ZNF260: variants seen among roughly 807,000 people sequenced by gnomAD.
ZNF260 encodes zinc finger protein 260.
ZNF260 carries 21 observed loss-of-function variants against 29.3 expected under a neutral mutation model. The ratio of observed to expected loss-of-function variants is 0.72; its 90% confidence interval spans 0.51 to 1.03. ZNF260 has a LOEUF of 1.03. Among genes scored for constraint, ZNF260 ranks in the 50% least tolerant of loss-of-function variants. The pLI is 0.00. For synonymous variants in ZNF260, 156 were observed against 156.8 expected, an observed-to-expected ratio of 0.99 and a Z score of 0.04; for missense variants, 465 against 487.8, an observed-to-expected ratio of 0.95 and a Z score of 0.44.
rs1304776679 is a variant in ZNF260 at position 36,525,175 on chromosome 19, C to G, written c.-482G>C. ...CCTACCAGGTTCTTGCTTACTCACA[C>G]AAAGAGAACCTTCTTTACATTTCTT... is the stretch of plus-strand genomic sequence containing the variant. On this transcript the variant is annotated 5_prime_UTR_variant, in exon 2 of 3. Transcript: ENST00000523638. 1 of 152,220 alleles carries G rather than the reference C, an allele frequency of 6.6e-6. No homozygotes were observed. The highest frequency in any genetic ancestry group is 1.5e-5 in the Non-Finnish European group (1 of 68,054). The allele number at this position is 152,220 out of a possible 1,614,324, so 9.4% of individuals were successfully genotyped here. A position where few individuals can be genotyped will look rare whatever the true frequency, so the allele number is the denominator to read the frequency against.
At chr19:36,528,062 A>G (rs1252027000) in intron 1 of ZNF260, among the ~76,000 whole-genome samples, 157 bp downstream of exon 1, 1 of 147,730 alleles carries the variant, frequency 6.8e-6, no homozygotes, top group Non-Finnish European at 1.5e-5. Context: ...CCCTGCCCCC[A>G]GCCACACAAG....
In ZNF260 at chr19:36,513,902, C is replaced by T; in HGVS notation, c.*98G>A. The T allele has an allele frequency of 2.2e-6, 3 of 1,338,112 alleles. No homozygotes were observed. Among genetic ancestry groups the T allele is most frequent in the South Asian group, 1.4e-5 (1 of 70,456 alleles). The allele number at this position is 1,338,112 out of a possible 1,614,324, so 82.9% of individuals were successfully genotyped here. On this transcript the variant is annotated 3_prime_UTR_variant, in exon 3 of 3. Transcript: ENST00000523638. Reference sequence around the variant, plus strand: ...TGAATTGCTGCTGAAGGACTTCCCACATTCATGTCACTTTAATGTAAAATG... The same window carrying T: ...TGAATTGCTGCTGAAGGACTTCCCATATTCATGTCACTTTAATGTAAAATG...
In ZNF260 at chr19:36,515,315, A is replaced by G; in HGVS notation, c.-77T>C. 1 of 1,362,676 alleles carries G rather than the reference A, an allele frequency of 7.3e-7. No individual in the cohort carries two copies. The highest frequency in any genetic ancestry group is 9.8e-7 in the Non-Finnish European group (1 of 1,025,300). The allele number at this position is 1,362,676 out of a possible 1,614,324, so 84.4% of individuals were successfully genotyped here. ...GGATGAAAGCTTTCCCACATTCACT[A>G]AATTCATATGGTGTATTTTCAATAT... On this transcript the variant is annotated 5_prime_UTR_variant, in exon 3 of 3. Coordinates refer to ENST00000523638, the MANE Select transcript of ZNF260 (RefSeq NM_001166037.2).
In ZNF260 at chr19:36,511,009, CAGA is replaced by C. The variant is rs1000499667; in HGVS notation, c.*2988_*2990del. 5 of 152,086 alleles carry C rather than the reference CAGA, an allele frequency of 3.3e-5. No individual in the cohort carries two copies. Among genetic ancestry groups the C allele is most frequent in the African/African-American group, 4.8e-5 (2 of 41,422 alleles). 9.4% of individuals were successfully genotyped at this position (152,086 alleles called of 1,614,324 possible). On this transcript the variant is annotated 3_prime_UTR_variant, in exon 3 of 3. Transcript: ENST00000523638. Reference sequence around the variant, plus strand: ...TATTTAAGTAAAGCAAAATGAGGAACAGAAGAAGACAGTTTAGATTCATGTACA... The same window carrying C: ...TATTTAAGTAAAGCAAAATGAGGAACAGAAGACAGTTTAGATTCATGTACA...
At chr19:36,516,120 C>G (rs1414294946) in intron 2 of ZNF260, among the ~76,000 whole-genome samples, 2 of 152,168 alleles carry the variant, frequency 1.3e-5, no homozygotes, top group East Asian at 3.8e-4. Flanking sequence ...GATCCGCCCA[C>G]CTCAGCCTCC....
rs1203108357 is a variant in ZNF260, at chr19:36,511,382, T to G, written c.*2618A>C. On this transcript the variant is annotated 3_prime_UTR_variant, in exon 3 of 3. Transcript: ENST00000523638. ...AAAATACAAAATTAGCCAGGCGTGG[T>G]GGCTCACACCTGTAATCCTAGCACT... is the stretch of plus-strand genomic sequence containing the variant. 1.3e-5 allele frequency: 2 copies of G among 152,154 alleles called. No homozygotes were observed. The highest frequency in any genetic ancestry group is 2.9e-5 in the Non-Finnish European group (2 of 68,090). The allele number at this position is 152,154 out of a possible 1,614,324, so 9.4% of individuals were successfully genotyped here.
chr19:36,526,298 T>C (rs954437919), intron 1 of ZNF260, among the ~76,000 whole-genome samples: 7 of 152,000 alleles, frequency 4.6e-5, no homozygotes, highest in African/African-American at 1.7e-4. Context: ...CCCAGCACTT[T>C]GGGAGGCTGA....
At chr19:36,519,357 G>A (rs963578425) in intron 2 of ZNF260, among the ~76,000 whole-genome samples, 3 of 152,066 alleles carry the variant, frequency 2.0e-5, no homozygotes, top group South Asian at 2.1e-4. Flanking sequence ...TTATAGTTAC[G>A]TAAATGCTTA....
chr19:36,525,476 T>A (rs2034718783), intron 1 of ZNF260, 103 bp from the exon 2 acceptor site: 1 of 152,070 alleles, frequency 6.6e-6, no homozygotes, highest in African/African-American at 2.4e-5. Context: ...AGACCCATTA[T>A]GCCATTCAAA....
intron 2 of ZNF260, among the ~76,000 whole-genome samples, chr19:36,522,620 A>C (rs79088446): frequency 0.088 from 13,413 of 152,200 alleles, 773 homozygotes; most frequent in Non-Finnish European, 0.13. Context: ...GTAGCCTACA[A>C]AGACTTAAAT....
intron 2 of ZNF260, among the ~76,000 whole-genome samples, chr19:36,517,781 T>A (rs944990803): frequency 6.6e-6 from 1 of 152,052 alleles, no homozygotes; most frequent in Non-Finnish European, 1.5e-5. Context: ...AGTCCGAGAA[T>A]GCTGGTGGTT....
At chr19:36,527,221 G>A (rs951810157) in intron 1 of ZNF260, among the ~76,000 whole-genome samples, 3 of 152,164 alleles carry the variant, frequency 2.0e-5, no homozygotes, top group African/African-American at 7.2e-5. Context: ...AGATGATCAA[G>A]GCCAGAAACT....
chr19:36,524,517 G>GTTTTTTTTTTTTTTTTTTTTT lies in ZNF260; in HGVS notation c.-462+637_-462+638insAAAAAAAAAAAAAAAAAAAAA, dbSNP rs61184857. On this transcript the variant is annotated intron_variant, in intron 2 of 2. Coordinates refer to ENST00000523638, the MANE Select transcript of ZNF260 (RefSeq NM_001166037.2). ...TTTAAAGAAAATAACTTACATGCTA[G>GTTTTTTTTTTTTTTTTTTTTT]TTTTTTTTTTTTTTTTTATTGATCA... Among the ~76,000 whole-genome samples, 668 of 90,654 alleles carry GTTTTTTTTTTTTTTTTTTTTT rather than the reference G, an allele frequency of 7.4e-3. 118 individuals carry two copies. The highest frequency in any genetic ancestry group is 9.2e-3 in the Non-Finnish European group (395 of 42,868). The allele number at this position is 90,654 out of a possible 152,430, so 59.5% of individuals were successfully genotyped here.
At chr19:36,519,982 T>C (rs2034614810) in intron 2 of ZNF260, among the ~76,000 whole-genome samples, 1 of 151,730 alleles carries the variant, frequency 6.6e-6, no homozygotes, top group Admixed American at 6.6e-5. Flanking sequence ...GGCAGATCAC[T>C]TGAGGTTAGG....
At chr19:36,517,857 G>A (rs1191091543) in intron 2 of ZNF260, among the ~76,000 whole-genome samples, 17 of 149,528 alleles carry the variant, frequency 1.1e-4, no homozygotes, top group Non-Finnish European at 7.4e-5. Flanking sequence ...TTTTTGGGAC[G>A]GAGTCTCGCT....
chr19:36,528,042 C>T (rs1269583226), intron 1 of ZNF260, among the ~76,000 whole-genome samples, 177 bp downstream of exon 1: 1 of 152,100 alleles, frequency 6.6e-6, no homozygotes, highest in African/African-American at 2.4e-5. Flanking sequence ...CGAACCCACC[C>T]GAACTGTACC....
Position 36,515,004 on chromosome 19 carries a change from CTG to C in ZNF260, c.233_234del (p.Thr78ArgfsTer6). The C allele has an allele frequency of 6.2e-7, 1 of 1,614,060 alleles. No homozygotes were observed. Among genetic ancestry groups the C allele is most frequent in the Non-Finnish European group, 8.5e-7 (1 of 1,180,006 alleles). The part of the protein sequence containing the change: ...SSLTLHLRSH[T>X]GKKAYKCNKC... ...TTATTACATTTATATGCCTTCTTTC[CTG>C]TGTGACTTCTAAGGTGTAGAGTAAG... On this transcript the variant is annotated frameshift_variant, in exon 3 of 3. Coordinates refer to ENST00000523638, the MANE Select transcript of ZNF260 (RefSeq NM_001166037.2). LOFTEE classifies it high-confidence loss of function.
Position 36,513,708 on chromosome 19 carries a change from G to A in ZNF260, c.*292C>T, listed in dbSNP as rs1028200125. On this transcript the variant is annotated 3_prime_UTR_variant, in exon 3 of 3. Coordinates refer to ENST00000523638, the MANE Select transcript of ZNF260 (RefSeq NM_001166037.2). ...ATACATCTCATATCTATTTCTTAAT[G>A]CATCTGTAGGCCTTCCAGGAACACA... 7 of 429,638 alleles carry A rather than the reference G, an allele frequency of 1.6e-5. No homozygotes were observed. Among genetic ancestry groups the A allele is most frequent in the African/African-American group, 8.0e-5 (4 of 49,942 alleles). 26.6% of individuals were successfully genotyped at this position (429,638 alleles called of 1,614,324 possible).
chr19:36,513,821 G>T lies in ZNF260; in HGVS notation c.*179C>A, dbSNP rs369962458. 1.9e-5 allele frequency: 12 copies of T among 648,252 alleles called. No individual in the cohort carries two copies. The highest frequency in any genetic ancestry group is 2.9e-5 in the Non-Finnish European group (11 of 385,196). The allele number at this position is 648,252 out of a possible 1,614,324, so 40.2% of individuals were successfully genotyped here. A position where few individuals can be genotyped will look rare whatever the true frequency, so the allele number is the denominator to read the frequency against. On this transcript the variant is annotated 3_prime_UTR_variant, in exon 3 of 3. Transcript: ENST00000523638. ...ATAATGCTTGTTGTGGGAGTTTTGGGGGTACGGGTTTTCTTTACACTATAA... is the reference window on the plus strand; with the variant it reads ...ATAATGCTTGTTGTGGGAGTTTTGGTGGTACGGGTTTTCTTTACACTATAA...
Sources: allele counts gnomAD v4.1 joint callset (sites outside exome capture counted in the v4.1 genomes callset), GRCh38; gene constraint gnomAD v4.1.1; transcripts MANE v1.5; gene names NCBI Gene and HGNC (gene_info 2026-07-23, HGNC 2026-07-21).